Variants in TBCEL observed in about 807,000 individuals in gnomAD.
The protein encoded by TBCEL is tubulin folding cofactor E like, also known as tubulin-specific chaperone cofactor E-like protein.
A neutral mutation model predicts 44.2 loss-of-function variants in TBCEL; 15 were observed. The ratio of observed to expected loss-of-function variants is 0.34; its 90% confidence interval spans 0.23 to 0.52. The LOEUF (loss-of-function observed/expected upper bound fraction) is 0.52. TBCEL is among the 20% of genes least tolerant of loss of function. The probability of loss-of-function intolerance (pLI) is 0.95; values close to 1 mark genes in which losing one functional copy is unlikely to be tolerated. For synonymous variants in TBCEL, 171 were observed against 185.4 expected, an observed-to-expected ratio of 0.92 and a Z score of 0.63; for missense variants, 319 against 506.3, an observed-to-expected ratio of 0.63 and a Z score of 3.55.
intron 2 of TBCEL, among the ~76,000 whole-genome samples, chr11:121,038,927 C>T (rs2134899748): frequency 6.6e-6 from 1 of 152,244 alleles, no homozygotes; most frequent in Admixed American, 6.5e-5. Flanking sequence ...AAGTGCTTCT[C>T]CTAAGGTAAA....
At chr11:121,031,662 CTTTTTTTTTTT>C (rs1159376351) in intron 1 of TBCEL, among the ~76,000 whole-genome samples, 99 of 101,876 alleles carry the variant, frequency 9.7e-4, no homozygotes, top group African/African-American at 3.4e-3. Context: ...TTTTTTCTTT[CTTTTTTTTTTT>C]TTTTTTTTTT....
chr11:121,055,651 T>G (rs1435515560), intron 6 of TBCEL, among the ~76,000 whole-genome samples: 1 of 151,952 alleles, frequency 6.6e-6, no homozygotes, highest in East Asian at 1.9e-4. Flanking sequence ...GGACTTAGTT[T>G]AAGAAATCCC....
At chr11:121,025,728 T>A (rs990345483) in intron 1 of TBCEL, among the ~76,000 whole-genome samples, 3 of 151,864 alleles carry the variant, frequency 2.0e-5, no homozygotes, top group Non-Finnish European at 2.9e-5. Context: ...TTTTTTTTTT[T>A]TTATTTTATT....
chr11:121,024,626 C>T (rs1203143060), intron 1 of TBCEL, among the ~76,000 whole-genome samples: 3 of 152,110 alleles, frequency 2.0e-5, no homozygotes, highest in Non-Finnish European at 2.9e-5. Context: ...AGGCGTCTCA[C>T]CTTGCCCCAG....
chr11:121,033,507 G>T (rs2134884641), intron 1 of TBCEL, among the ~76,000 whole-genome samples: 1 of 152,254 alleles, frequency 6.6e-6, no homozygotes, highest in East Asian at 1.9e-4. Context: ...TATCCCTCCT[G>T]ATTTAAGATC....
intron 8 of TBCEL, among the ~76,000 whole-genome samples, chr11:121,073,720 A>C (rs1945980310): frequency 6.6e-6 from 1 of 151,950 alleles, no homozygotes; most frequent in South Asian, 2.1e-4. Flanking sequence ...CTTTTGCTAT[A>C]GGGTTCTGAT....
chr11:121,069,201 G>C (rs1338025095), intron 8 of TBCEL, among the ~76,000 whole-genome samples: 3 of 152,154 alleles, frequency 2.0e-5, no homozygotes, highest in Non-Finnish European at 4.4e-5. Flanking sequence ...AGCTCTATAG[G>C]AGTAGGGACT....
At chr11:121,083,198 T>C (rs1946157469) in intron 8 of TBCEL, among the ~76,000 whole-genome samples, 1 of 152,248 alleles carries the variant, frequency 6.6e-6, no homozygotes, top group Non-Finnish European at 1.5e-5. Context: ...ATCTAGGTTA[T>C]TAATTATAGT....
At position 121,088,565 on chromosome 11, in the gene TBCEL, G is replaced by C. The variant is rs1435424465; in HGVS notation, c.*1469G>C. On this transcript the variant is annotated 3_prime_UTR_variant, in exon 9 of 9. Transcript: ENST00000683345. ...CATAACTGGGGCAGAAAGTGTGTAA[G>C]TGAAGTATTTTTCAAAGAATGCAGT... 1.3e-5 allele frequency: 2 copies of C among 152,172 alleles called. No homozygotes were observed. Among genetic ancestry groups the C allele is most frequent in the Non-Finnish European group, 2.9e-5 (2 of 68,014 alleles). 9.4% of individuals were successfully genotyped at this position (152,172 alleles called of 1,614,324 possible). A position where few individuals can be genotyped will look rare whatever the true frequency, so the allele number is the denominator to read the frequency against.
chr11:121,075,317 A>G (rs1441519701), intron 8 of TBCEL, among the ~76,000 whole-genome samples: 1 of 152,000 alleles, frequency 6.6e-6, no homozygotes, highest in Non-Finnish European at 1.5e-5. Flanking sequence ...TTCAATGGAC[A>G]GTGCTGAAGC....
chr11:121,059,873 A>G (rs1945687685), intron 7 of TBCEL, 96 bp from the exon 8 acceptor site: 1 of 848,334 alleles, frequency 1.2e-6, no homozygotes. Context: ...TGTCCTTTCA[A>G]GAAAATAAGA....
At chr11:121,060,224 A>G (rs1945695865) in intron 8 of TBCEL, 139 bp downstream of exon 8, 2 of 623,022 alleles carry the variant, frequency 3.2e-6, no homozygotes, top group African/African-American at 1.9e-5. Flanking sequence ...AAAGGAAGAA[A>G]CACAAGAGCA....
Position 121,047,628 on chromosome 11 carries a change from A to C in TBCEL, c.234A>C (p.Glu78Asp). 6.2e-7 allele frequency: 1 copy of C among 1,612,708 alleles called. No homozygotes were observed. The highest frequency in any genetic ancestry group is 8.5e-7 in the Non-Finnish European group (1 of 1,179,188). ...CTGCTTTCTGCGCTCATGTGTCGGAACTAGATCTTTCTGACAACAAACTCG... is the reference window on the plus strand; with the variant it reads ...CTGCTTTCTGCGCTCATGTGTCGGACCTAGATCTTTCTGACAACAAACTCG... Reference protein sequence around the residue: ...EIAAFCAHVSELDLSDNKLED... With the variant: ...EIAAFCAHVSDLDLSDNKLED... The change falls in exon 4 of 9, where the codon GAA becomes GAC. Residue 78 changes from glutamate to aspartate, a missense_variant. By Grantham distance (45) the Glu-to-Asp change is conservative. Transcript: ENST00000683345.
intron 4 of TBCEL, 115 bp from the exon 5 acceptor site, chr11:121,053,436 C>T (rs1945564644): frequency 2.3e-6 from 2 of 873,354 alleles, no homozygotes; most frequent in Admixed American, 2.4e-5. Context: ...AATAGGACTC[C>T]TTGATGTAAA....
At chr11:121,049,204 C>T (rs576584410) in intron 4 of TBCEL, among the ~76,000 whole-genome samples, 2 of 151,858 alleles carry the variant, frequency 1.3e-5, no homozygotes, top group East Asian at 1.9e-4. Flanking sequence ...CCAACTTTTC[C>T]TGTGATCTTA....
chr11:121,049,734 A>G (rs1192953101), intron 4 of TBCEL, among the ~76,000 whole-genome samples: 2 of 151,830 alleles, frequency 1.3e-5, no homozygotes, highest in Non-Finnish European at 2.9e-5. Context: ...GACCATGTAT[A>G]TAAGCTTTTG....
chr11:121,056,978 C>A (rs1945633548), intron 6 of TBCEL, among the ~76,000 whole-genome samples: 1 of 151,738 alleles, frequency 6.6e-6, no homozygotes, highest in Admixed American at 6.6e-5. Context: ...TCTGAAAATA[C>A]CTACATAATT....
chr11:121,065,026 C>G (rs1186900091), intron 8 of TBCEL, among the ~76,000 whole-genome samples: 2 of 152,018 alleles, frequency 1.3e-5, no homozygotes, highest in African/African-American at 4.8e-5. Context: ...CGGGGTTTCA[C>G]CATGTTAGCC....
chr11:121,061,837 A>G (rs1042952712), intron 8 of TBCEL, among the ~76,000 whole-genome samples: 3 of 152,070 alleles, frequency 2.0e-5, no homozygotes, highest in African/African-American at 7.2e-5. Context: ...TATAGACTTT[A>G]TCAACACTGT....
Sources: allele counts gnomAD v4.1 joint callset (sites outside exome capture counted in the v4.1 genomes callset), GRCh38; gene constraint gnomAD v4.1.1; transcripts MANE v1.5; gene names NCBI Gene and HGNC (gene_info 2026-07-23, HGNC 2026-07-21).